The following CNTN5 variants were observed in gnomAD, a reference collection of about 807,000 sequenced individuals.
The protein encoded by CNTN5 is contactin 5.
Under a neutral mutation model 129.1 loss-of-function variants are expected in CNTN5, and 77 were observed. The ratio of observed to expected loss-of-function variants is 0.60; its 90% CI spans 0.50 to 0.72. The LOEUF (loss-of-function observed/expected upper bound fraction) is 0.72, where lower values mean the gene tolerates loss of function less well. Among genes scored for constraint, CNTN5 ranks in the 30% least tolerant of loss-of-function variants. CNTN5 has a pLI of 0.00. For missense variants in CNTN5, 1,478 were observed against 1,328.8 expected (o/e 1.11, Z -1.75); for synonymous variants, 509 against 465.6 (o/e 1.09, Z -1.20).
chr11:99,907,155 T>C (rs932794047), intron 6 of CNTN5, among the ~76,000 whole-genome samples: 2 of 152,198 alleles, frequency 1.3e-5, no homozygotes, highest in Non-Finnish European at 2.9e-5. Context: ...ATTTCTTGTC[T>C]TCTGCTAGCT....
intron 4 of CNTN5, among the ~76,000 whole-genome samples, chr11:99,828,220 A>T (rs1947028956): frequency 1.3e-5 from 2 of 152,296 alleles, no homozygotes; most frequent in Admixed American, 1.3e-4. Flanking sequence ...GTGAAAAAAA[A>T]CTTTATGAGC....
chr11:99,837,948 TTAG>T (rs1452133708), intron 4 of CNTN5, among the ~76,000 whole-genome samples: 2 of 152,078 alleles, frequency 1.3e-5, no homozygotes, highest in East Asian at 3.9e-4. Context: ...TAGGGTATCC[TTAG>T]TAGAAACTTC....
intron 15 of CNTN5, among the ~76,000 whole-genome samples, chr11:100,213,135 T>G (rs542643492): frequency 6.6e-6 from 1 of 152,164 alleles, no homozygotes; most frequent in Non-Finnish European, 1.5e-5. Flanking sequence ...CTCTGTATAA[T>G]AGATCAGCAT....
chr11:100,280,839 C>T (rs1428476430), intron 18 of CNTN5, among the ~76,000 whole-genome samples: 1 of 151,600 alleles, frequency 6.6e-6, no homozygotes, highest in African/African-American at 2.4e-5. Context: ...TTTGTGTATC[C>T]CTTGTAAGTT....
At chr11:99,899,100 AC>A (rs1949284786) in intron 6 of CNTN5, among the ~76,000 whole-genome samples, 1 of 152,038 alleles carries the variant, frequency 6.6e-6, no homozygotes, top group Non-Finnish European at 1.5e-5. Context: ...TACTGAAGTC[AC>A]TAATCAGGTC....
chr11:99,365,529 A>G (rs977478136), intron 2 of CNTN5, among the ~76,000 whole-genome samples: 1 of 152,184 alleles, frequency 6.6e-6, no homozygotes, highest in African/African-American at 2.4e-5. Flanking sequence ...AGCTGGGAAT[A>G]TGCTGAATGA....
chr11:100,310,802 C>T (rs190814058), intron 21 of CNTN5, among the ~76,000 whole-genome samples: 58 of 151,890 alleles, frequency 3.8e-4, no homozygotes, highest in African/African-American at 1.3e-3. Context: ...GCAGAGAGAA[C>T]GGCAAGCCCA....
chr11:99,479,457 A>C (rs904614421), intron 2 of CNTN5, among the ~76,000 whole-genome samples: 30 of 152,110 alleles, frequency 2.0e-4, no homozygotes, highest in African/African-American at 6.3e-4. Flanking sequence ...CAGGGCTTTA[A>C]AACCCTTGTA....
chr11:99,233,402 C>T (rs1004823751), intron 1 of CNTN5, among the ~76,000 whole-genome samples: 13 of 152,102 alleles, frequency 8.5e-5, no homozygotes, highest in African/African-American at 3.1e-4. Flanking sequence ...TGTGGAAATA[C>T]TGGGGTGTTA....
At chr11:99,774,006 C>G (rs1347420516) in intron 3 of CNTN5, among the ~76,000 whole-genome samples, 1 of 152,128 alleles carries the variant, frequency 6.6e-6, no homozygotes, top group African/African-American at 2.4e-5. Context: ...TTCCATTCAT[C>G]TCTCAAAACC....
intron 1 of CNTN5, among the ~76,000 whole-genome samples, chr11:99,218,943 A>G (rs572996185): frequency 1.3e-5 from 2 of 152,166 alleles, no homozygotes; most frequent in South Asian, 2.1e-4. Context: ...TAGAAGCCAT[A>G]CATTGAGGAA....
At chr11:100,252,325 C>A (rs932976244) in intron 16 of CNTN5, among the ~76,000 whole-genome samples, 1 of 152,232 alleles carries the variant, frequency 6.6e-6, no homozygotes, top group Non-Finnish European at 1.5e-5. Flanking sequence ...TCCCCTTTCA[C>A]GTGAATAGTC....
intron 1 of CNTN5, among the ~76,000 whole-genome samples, chr11:99,045,837 G>T (rs2135155203): frequency 6.6e-6 from 1 of 152,244 alleles, no homozygotes; most frequent in East Asian, 1.9e-4. Context: ...TGGTAACATG[G>T]ATGTAAAACT....
At chr11:99,531,738 C>T (rs969123489) in intron 2 of CNTN5, among the ~76,000 whole-genome samples, 1 of 152,180 alleles carries the variant, frequency 6.6e-6, no homozygotes, top group African/African-American at 2.4e-5. Context: ...AAGCCTTAAG[C>T]CTTCGCAGTT....
chr11:100,010,767 G>C (rs1043968839), intron 9 of CNTN5, among the ~76,000 whole-genome samples: 1 of 152,066 alleles, frequency 6.6e-6, no homozygotes, highest in Admixed American at 6.6e-5. Context: ...CTATACCTCA[G>C]CCATCCTGGC....
intron 2 of CNTN5, among the ~76,000 whole-genome samples, chr11:99,363,974 G>A (rs1412273124): frequency 2.6e-5 from 4 of 151,998 alleles, no homozygotes; most frequent in Non-Finnish European, 5.9e-5. Flanking sequence ...AATAATTGGA[G>A]CAAAGGTGAA....
At chr11:99,959,386 C>T (rs903080515) in intron 8 of CNTN5, among the ~76,000 whole-genome samples, 2 of 152,182 alleles carry the variant, frequency 1.3e-5, no homozygotes, top group African/African-American at 4.8e-5. Context: ...AAATCATCTT[C>T]CTACTAATAA....
chr11:99,928,323 A>G (rs1334154932), intron 7 of CNTN5, among the ~76,000 whole-genome samples: 1 of 152,142 alleles, frequency 6.6e-6, no homozygotes, highest in Admixed American at 6.5e-5. Context: ...TCTCACAGCT[A>G]CACTAGGCAA....
At chr11:99,736,133 C>T (rs1047586769) in intron 3 of CNTN5, among the ~76,000 whole-genome samples, 2 of 151,888 alleles carry the variant, frequency 1.3e-5, no homozygotes, top group Non-Finnish European at 2.9e-5. Flanking sequence ...GAGCGTGGGA[C>T]AAAACACAGA....
Sources: gnomAD v4.1 joint callset for allele counts (sites outside exome capture counted in the v4.1 genomes callset) on GRCh38, gnomAD v4.1.1 for gene constraint, MANE v1.5 for transcripts, NCBI Gene and HGNC (gene_info 2026-07-23, HGNC 2026-07-21) for gene names.